The following MCPH1 variants were observed in gnomAD, a reference collection of about 807,000 sequenced individuals.
The protein encoded by MCPH1 is microcephalin 1.
MCPH1 carries 104 observed loss-of-function variants against 84.5 expected under a neutral mutation model. That is an observed-to-expected ratio of 1.23 (90% CI 1.05 to 1.45). MCPH1 has a LOEUF of 1.45. MCPH1 is among the 40% of genes most tolerant of loss of function. MCPH1 has a pLI of 0.00. For synonymous variants in MCPH1, 514 were observed against 366.8 expected, an observed-to-expected ratio of 1.40 and a Z score of -4.58; for missense variants, 1,498 against 1,005.7, an observed-to-expected ratio of 1.49 and a Z score of -6.62.
chr8:6,480,740 T>C lies in MCPH1; in HGVS notation c.2000T>C (p.Val667Ala), dbSNP rs564538112. The C allele has an allele frequency of 7.4e-6, 12 of 1,614,172 alleles. No individual in the cohort carries two copies. The Admixed American group carries it at 1.3e-4, about 18-fold the overall frequency. ...SEKQNVVIQV[V>A]DKLKGFSIAP... ...AAGCAGAATGTCGTCATCCAGGTTG[T>C]GGATAAATTGAAAGGCTTTTCAATT... The change falls in exon 11 of 14, where the codon GTG becomes GCG. Residue 667 changes from valine to alanine, a missense_variant. Physicochemically the swap from Val to Ala is moderately conservative, Grantham distance 64. Transcript: ENST00000344683.
intron 12 of MCPH1, among the ~76,000 whole-genome samples, chr8:6,576,685 T>G (rs1827144272): frequency 8.7e-5 from 2 of 22,874 alleles, no homozygotes; most frequent in African/African-American, 8.5e-4. Context: ...TTTTTGTATT[T>G]TTTTTTTTTT....
chr8:6,585,249 G>A (rs1051511599), intron 12 of MCPH1, among the ~76,000 whole-genome samples: 2 of 152,330 alleles, frequency 1.3e-5, no homozygotes, highest in African/African-American at 4.8e-5. Flanking sequence ...CTAGTGCACA[G>A]CCATAAAAGA....
intron 12 of MCPH1, among the ~76,000 whole-genome samples, chr8:6,509,860 G>C (rs1187138411): frequency 2.0e-5 from 3 of 152,174 alleles, no homozygotes; most frequent in African/African-American, 7.2e-5. Flanking sequence ...TGCACGCAGT[G>C]TCTGTTGTTC....
At chr8:6,507,236 G>T (rs1236143164) in intron 12 of MCPH1, among the ~76,000 whole-genome samples, 1 of 152,052 alleles carries the variant, frequency 6.6e-6, no homozygotes, top group Non-Finnish European at 1.5e-5. Flanking sequence ...ATCATAACTT[G>T]GGTCATCCAT....
At position 6,643,088 on chromosome 8, in the gene MCPH1, G is replaced by T. The variant is rs767289433; in HGVS notation, c.*39G>T. The T allele has an allele frequency of 1.3e-6, 2 of 1,560,078 alleles. No individual in the cohort carries two copies. Among genetic ancestry groups the T allele is most frequent in the Non-Finnish European group, 1.8e-6 (2 of 1,131,376 alleles). ...GGCCTGTGGTGACTGCACACAGCTC[G>T]CAAAACTGTCTTTGGATGTTCAAAT... On this transcript the variant is annotated 3_prime_UTR_variant, in exon 14 of 14. Transcript: ENST00000344683.
At chr8:6,607,022 A>G (rs1230344228) in intron 12 of MCPH1, among the ~76,000 whole-genome samples, 1 of 152,166 alleles carries the variant, frequency 6.6e-6, no homozygotes, top group Non-Finnish European at 1.5e-5. Context: ...CAGTATGAAA[A>G]CAGACTAATG....
chr8:6,440,433 G>T (rs1352603295), intron 6 of MCPH1, among the ~76,000 whole-genome samples: 1 of 152,118 alleles, frequency 6.6e-6, no homozygotes, highest in Non-Finnish European at 1.5e-5. Flanking sequence ...TCCCTGTGTT[G>T]CGCAGGCAGG....
intron 12 of MCPH1, among the ~76,000 whole-genome samples, chr8:6,582,838 C>T (rs527772938): frequency 6.6e-6 from 1 of 152,268 alleles, no homozygotes; most frequent in Non-Finnish European, 1.5e-5. Context: ...TCCTGCTAGC[C>T]TTTCTTCATA....
At chr8:6,494,654 C>G (rs140539920) in intron 11 of MCPH1, 1 of 152,110 alleles carries the variant, frequency 6.6e-6, no homozygotes, top group African/African-American at 2.4e-5. Flanking sequence ...ACAAAAAGCA[C>G]ATGTTGTATA....
At chr8:6,525,449 C>G (rs1243441991) in intron 12 of MCPH1, among the ~76,000 whole-genome samples, 1 of 152,186 alleles carries the variant, frequency 6.6e-6, no homozygotes, top group East Asian at 1.9e-4. Context: ...TGGCTAGTCT[C>G]AAACTCCTGG....
intron 12 of MCPH1, 70 bp downstream of exon 12, chr8:6,499,999 G>C: frequency 7.4e-7 from 1 of 1,358,100 alleles, no homozygotes; most frequent in Non-Finnish European, 1.1e-6. Flanking sequence ...TAAACATAAG[G>C]GTGGACTTAA....
chr8:6,555,661 T>C (rs1204938207), intron 12 of MCPH1, among the ~76,000 whole-genome samples: 2 of 151,984 alleles, frequency 1.3e-5, no homozygotes, highest in Non-Finnish European at 2.9e-5. Flanking sequence ...CGGGGTTTCA[T>C]CGTGTTGGCC....
At chr8:6,473,320 CTTTTTTTTTTT>C (rs56077837) in intron 9 of MCPH1, among the ~76,000 whole-genome samples, 4 of 76,396 alleles carry the variant, frequency 5.2e-5, no homozygotes, top group African/African-American at 1.1e-4. Flanking sequence ...TCTCTCAATC[CTTTTTTTTTTT>C]TTTTTTTTTT....
At chr8:6,475,379 C>A (rs1158455595) in intron 9 of MCPH1, among the ~76,000 whole-genome samples, 4 of 152,238 alleles carry the variant, frequency 2.6e-5, no homozygotes, top group African/African-American at 4.8e-5. Context: ...TGTGCTTATC[C>A]TGGCAGACGC....
chr8:6,545,384 T>C (rs1822397302), intron 12 of MCPH1, among the ~76,000 whole-genome samples: 1 of 152,242 alleles, frequency 6.6e-6, no homozygotes, highest in Middle Eastern at 3.2e-3. Context: ...AAAAGACATT[T>C]AGAAATGAAA....
intron 3 of MCPH1, among the ~76,000 whole-genome samples, chr8:6,427,289 C>T (rs1801197556): frequency 1.3e-5 from 2 of 152,180 alleles, no homozygotes; most frequent in Admixed American, 1.3e-4. Flanking sequence ...GACATTACTA[C>T]TATACAGTAC....
intron 11 of MCPH1, among the ~76,000 whole-genome samples, chr8:6,490,506 G>C (rs866767495): frequency 2.2e-4 from 34 of 152,130 alleles, no homozygotes; most frequent in Non-Finnish European, 2.1e-4. Context: ...AGCACCCTCT[G>C]TGAATTCGGT....
intron 8 of MCPH1, 143 bp downstream of exon 8, chr8:6,445,690 C>T (rs1010996932): frequency 1.4e-6 from 2 of 1,435,038 alleles, no homozygotes; most frequent in African/African-American, 2.9e-5. Context: ...TTTGATCATT[C>T]CAATGATAAA....
At chr8:6,535,048 A>T (rs1820242488) in intron 12 of MCPH1, among the ~76,000 whole-genome samples, 1 of 152,190 alleles carries the variant, frequency 6.6e-6, no homozygotes, top group African/African-American at 2.4e-5. Flanking sequence ...AACTATAGAG[A>T]TAGACTCCAG....
Sources: allele counts gnomAD v4.1 joint callset (sites outside exome capture counted in the v4.1 genomes callset), GRCh38; gene constraint gnomAD v4.1.1; transcripts MANE v1.5; gene names NCBI Gene and HGNC (gene_info 2026-07-23, HGNC 2026-07-21).